TXLNB: variants seen among roughly 807,000 people sequenced by gnomAD.
TXLNB encodes beta-taxilin.
Under a neutral mutation model 57.4 loss-of-function variants are expected in TXLNB, and 37 were observed. The ratio of observed to expected loss-of-function variants is 0.64; its 90% CI spans 0.50 to 0.85. The LOEUF is 0.85. TXLNB is among the 40% of genes least tolerant of loss of function. The pLI, the probability that TXLNB is intolerant of heterozygous loss-of-function variation, is 0.00. For missense variants in TXLNB, 848 were observed against 825.6 expected, an observed-to-expected ratio of 1.03 and a Z score of -0.33; for synonymous variants, 302 against 309.6, an observed-to-expected ratio of 0.98 and a Z score of 0.26.
At chr6:139,228,078 AG>A in the TXLNB span, among the ~76,000 whole-genome samples, 1 of 152,242 alleles carries the variant, frequency 6.6e-6, no homozygotes, top group East Asian at 1.9e-4. Flanking sequence ...TTTCCATAGA[AG>A]TTAATTATTA....
the TXLNB span, among the ~76,000 whole-genome samples, chr6:139,319,447 A>G: frequency 6.6e-6 from 1 of 150,882 alleles, no homozygotes; most frequent in African/African-American, 2.4e-5. Context: ...TCTGTCACTC[A>G]GGTTGGAGTG....
intron 2 of TXLNB, among the ~76,000 whole-genome samples, chr6:139,281,181 G>C (rs1436973751): frequency 6.6e-6 from 1 of 151,938 alleles, no homozygotes; most frequent in African/African-American, 2.4e-5. Flanking sequence ...TTTAAGATTT[G>C]GTCATTTCAC....
chr6:139,192,987 A>C, the TXLNB span, among the ~76,000 whole-genome samples: 3 of 137,778 alleles, frequency 2.2e-5, no homozygotes, highest in Non-Finnish European at 3.2e-5. Flanking sequence ...AAAAAAAAAA[A>C]CAACAAAAAA....
At chr6:139,180,527 C>T in the TXLNB span, 1 of 152,568 alleles carries the variant, frequency 6.6e-6, no homozygotes, top group Non-Finnish European at 1.5e-5. Flanking sequence ...GCTGCCTAAC[C>T]CAGTTCATCT....
At chr6:139,271,978 A>C (rs1044028783) in intron 3 of TXLNB, 1 of 152,248 alleles carries the variant, frequency 6.6e-6, no homozygotes, top group African/African-American at 2.4e-5. Flanking sequence ...CAGATGCCAC[A>C]TGAGTCCTGA....
chr6:139,237,661 T>C (rs1775851566), downstream of TXLNB, among the ~76,000 whole-genome samples: 2 of 152,190 alleles, frequency 1.3e-5, no homozygotes, highest in African/African-American at 4.8e-5. Flanking sequence ...TCTTCCTGCT[T>C]GGCTTCTAGC....
At chr6:139,258,881 C>T (rs999561052) in intron 6 of TXLNB, among the ~76,000 whole-genome samples, 9 of 152,146 alleles carry the variant, frequency 5.9e-5, no homozygotes, top group Non-Finnish European at 7.3e-5. Flanking sequence ...TAACAAGTTG[C>T]GTATCTTCTT....
At chr6:139,220,642 T>C in the TXLNB span, among the ~76,000 whole-genome samples, 3 of 152,228 alleles carry the variant, frequency 2.0e-5, no homozygotes, top group Non-Finnish European at 4.4e-5. Context: ...TATTAACTTA[T>C]TGTGGCACAC....
At chr6:139,212,553 G>T in the TXLNB span, among the ~76,000 whole-genome samples, 1 of 152,170 alleles carries the variant, frequency 6.6e-6, no homozygotes, top group African/African-American at 2.4e-5. Context: ...ATTGAGGCTA[G>T]GAAGAAACTG....
intron 2 of TXLNB, 163 bp from the exon 3 acceptor site, chr6:139,277,084 T>C (rs937638433): frequency 5.3e-6 from 3 of 563,196 alleles, no homozygotes; most frequent in East Asian, 6.2e-5. Context: ...ACACCTACCT[T>C]ACAGAGTGAA....
chr6:139,242,948 G>A lies in TXLNB; in HGVS notation c.1633C>T (p.Pro545Ser), dbSNP rs768274208. ...DAALKEPEQP[P>S]LIPSRDSESP... ...TCTGAATCCCGTGAAGGGATCAGAG[G>A]GGGTTGCTCTGGCTCCTTGAGAGCG... is the stretch of plus-strand genomic sequence containing the variant. Residue 545 changes from proline to serine, a missense_variant, in exon 10 of 10, where the codon CCT becomes TCT. Coordinates refer to ENST00000358430, the MANE Select transcript of TXLNB (RefSeq NM_153235.4). 9 of 1,614,090 alleles carry A rather than the reference G, an allele frequency of 5.6e-6. No individual in the cohort carries two copies. Among genetic ancestry groups the A allele is most frequent in the African/African-American group, 1.3e-5 (1 of 74,942 alleles).
At chr6:139,323,870 G>A in the TXLNB span, among the ~76,000 whole-genome samples, 3 of 152,142 alleles carry the variant, frequency 2.0e-5, no homozygotes, top group African/African-American at 7.2e-5. Flanking sequence ...GGCAGCTGTG[G>A]TTTACAACAG....
the TXLNB span, among the ~76,000 whole-genome samples, chr6:139,214,081 C>T: frequency 6.6e-6 from 1 of 152,140 alleles, no homozygotes; most frequent in Non-Finnish European, 1.5e-5. Context: ...CCTTCTGAAA[C>T]TATTCCAATC....
rs1776104322 is a variant in TXLNB at position 139,247,877 on chromosome 6, G to GAA, written c.1108_1109dup (p.Gln371SerfsTer5). The GAA allele has an allele frequency of 6.2e-7, 1 of 1,607,854 alleles. No homozygotes were observed. The highest frequency in any genetic ancestry group is 1.3e-5 in the African/African-American group (1 of 74,550). On this transcript the variant is annotated frameshift_variant, in exon 8 of 10. Coordinates refer to ENST00000358430, the MANE Select transcript of TXLNB (RefSeq NM_153235.4). LOFTEE classifies it high-confidence loss of function. ...CGTTGCTTTTAGTTAGTGTGCTCTGGAATTCTTCAAACCTTCCTGAGTAGA... is the reference window on the plus strand; with the variant it reads ...CGTTGCTTTTAGTTAGTGTGCTCTGGAAAATTCTTCAAACCTTCCTGAGTAGA...
intron 2 of TXLNB, among the ~76,000 whole-genome samples, chr6:139,277,632 A>G (rs966750287): frequency 1.3e-5 from 2 of 152,190 alleles, no homozygotes; most frequent in African/African-American, 4.8e-5. Context: ...GTGATAATGG[A>G]CACAGCCTTC....
At chr6:139,233,505 T>G in the TXLNB span, among the ~76,000 whole-genome samples, 1 of 151,746 alleles carries the variant, frequency 6.6e-6, no homozygotes, top group African/African-American at 2.4e-5. Flanking sequence ...GGCAGGAACA[T>G]GGCTCATTGC....
At position 139,270,500 on chromosome 6, in the gene TXLNB, C is replaced by A. The variant is rs778005339; in HGVS notation, c.643G>T (p.Glu215Ter). 6.2e-7 allele frequency: 1 copy of A among 1,614,186 alleles called. No homozygotes were observed. Among genetic ancestry groups the A allele is most frequent in the South Asian group, 1.1e-5 (1 of 91,084 alleles). Residue 215 changes from glutamate to a stop codon, truncating the protein, a stop_gained, in exon 4 of 10, where the codon GAG (glutamate) becomes TAG (stop). Transcript: ENST00000358430. LOFTEE classifies it high-confidence loss of function. ...CTCTGCAGCTCCCGGCACAGACTCT[C>A]CAATTTGCTTCGAGCGAGGATAGCT... is the stretch of plus-strand genomic sequence containing the variant. ...SRAILARSKL[E>*]SLCRELQRHN... is the part of the protein sequence containing the mutation.
chr6:139,213,771 C>T, the TXLNB span, among the ~76,000 whole-genome samples: 50 of 152,092 alleles, frequency 3.3e-4, no homozygotes, highest in African/African-American at 1.1e-3. Context: ...ATCAAATAAA[C>T]GCAATAAAAA....
At position 139,242,565 on chromosome 6, in the gene TXLNB, C is replaced by A. The variant is rs1310844778; in HGVS notation, c.2016G>T (p.Pro672=). 1 of 1,516,158 alleles carries A rather than the reference C, an allele frequency of 6.6e-7. No homozygotes were observed. Among genetic ancestry groups the A allele is most frequent in the Non-Finnish European group, 8.8e-7 (1 of 1,135,238 alleles). The allele number at this position is 1,516,158 out of a possible 1,614,324, so 93.9% of individuals were successfully genotyped here. The change falls in exon 10 of 10, where the codon CCG becomes CCT. Residue 672 remains proline (P), a synonymous_variant. Coordinates refer to ENST00000358430, the MANE Select transcript of TXLNB (RefSeq NM_153235.4). ...LPVGASAGPQ[P]RNVADTNLEG... The stretch of plus-strand genomic sequence containing the variant: ...CCAGATTGGTGTCAGCCACGTTGCG[C>A]GGCTGGGGCCCAGCTGAGGCCCCTA...
Sources: gnomAD v4.1 joint callset for allele counts (sites outside exome capture counted in the v4.1 genomes callset) on GRCh38, gnomAD v4.1.1 for gene constraint, MANE v1.5 for transcripts, NCBI Gene and HGNC (gene_info 2026-07-23, HGNC 2026-07-21) for gene names.